Variants in CNTNAP2 observed in about 807,000 individuals in gnomAD.
The protein encoded by CNTNAP2 is contactin-associated protein-like 2.
In CNTNAP2, 98 loss-of-function variants were observed where a neutral mutation model predicts 155.2. The observed-to-expected ratio is 0.63, with a 90% CI of 0.54 to 0.75. CNTNAP2 has a LOEUF of 0.75. CNTNAP2 is among the 30% of genes least tolerant of loss of function. CNTNAP2 has a pLI of 0.00. For synonymous variants in CNTNAP2, 651 were observed against 631.2 expected, an observed-to-expected ratio of 1.03 and a Z score of -0.47; for missense variants, 1,727 against 1,688.1, an observed-to-expected ratio of 1.02 and a Z score of -0.40.
intron 8 of CNTNAP2, among the ~76,000 whole-genome samples, chr7:147,276,443 A>G (rs1219107191): frequency 2.6e-5 from 4 of 152,086 alleles, no homozygotes; most frequent in Non-Finnish European, 5.9e-5. Flanking sequence ...AAGTTGAATT[A>G]AATAGTTTCT....
At chr7:147,582,234 G>T (rs1374340498) in intron 12 of CNTNAP2, among the ~76,000 whole-genome samples, 1 of 152,082 alleles carries the variant, frequency 6.6e-6, no homozygotes, top group African/African-American at 2.4e-5. Flanking sequence ...CTTATTGGAG[G>T]TGACATTGAG....
At chr7:147,228,645 A>G (rs1301081638) in intron 8 of CNTNAP2, among the ~76,000 whole-genome samples, 1 of 152,168 alleles carries the variant, frequency 6.6e-6, no homozygotes, top group Non-Finnish European at 1.5e-5. Context: ...CCATTAGGAT[A>G]TGGAACTCAC....
intron 3 of CNTNAP2, among the ~76,000 whole-genome samples, chr7:146,869,231 G>A (rs1451785996): frequency 6.6e-6 from 1 of 152,136 alleles, no homozygotes; most frequent in Non-Finnish European, 1.5e-5. Context: ...ATGAAGTGGT[G>A]TTAAATTTTA....
chr7:146,333,317 T>A (rs1801216801), intron 1 of CNTNAP2, among the ~76,000 whole-genome samples: 2 of 152,130 alleles, frequency 1.3e-5, no homozygotes, highest in Non-Finnish European at 2.9e-5. Flanking sequence ...ATGCAGCTAT[T>A]CTTGCAATGT....
At chr7:147,961,687 T>C (rs1357093435) in intron 14 of CNTNAP2, among the ~76,000 whole-genome samples, 2 of 152,202 alleles carry the variant, frequency 1.3e-5, no homozygotes, top group Non-Finnish European at 2.9e-5. Context: ...AGTAGATTAT[T>C]CTCATTGGTA....
chr7:148,260,571 C>T (rs550255678), intron 20 of CNTNAP2, among the ~76,000 whole-genome samples: 2 of 152,242 alleles, frequency 1.3e-5, no homozygotes, highest in East Asian at 1.9e-4. Flanking sequence ...TTGAGTCAAA[C>T]GGGAGCTGGA....
chr7:146,422,320 CATA>C (rs1466637281), intron 1 of CNTNAP2, among the ~76,000 whole-genome samples: 1 of 148,780 alleles, frequency 6.7e-6, no homozygotes, highest in African/African-American at 2.5e-5. Context: ...AGAATATATA[CATA>C]AGAATATATA....
intron 1 of CNTNAP2, among the ~76,000 whole-genome samples, chr7:146,118,544 A>T (rs1381899373): frequency 1.3e-5 from 2 of 151,904 alleles, no homozygotes; most frequent in Non-Finnish European, 2.9e-5. Context: ...TCATATATTA[A>T]ATTTATTATA....
At chr7:147,887,742 G>T (rs991745587) in intron 13 of CNTNAP2, among the ~76,000 whole-genome samples, 2 of 152,098 alleles carry the variant, frequency 1.3e-5, no homozygotes, top group East Asian at 1.9e-4. Flanking sequence ...AATCCAGGGG[G>T]TTAGACTCTC....
At chr7:146,298,102 A>G (rs115688966) in intron 1 of CNTNAP2, among the ~76,000 whole-genome samples, 21 of 152,332 alleles carry the variant, frequency 1.4e-4, no homozygotes, top group African/African-American at 4.8e-4. Flanking sequence ...TGGTTTTCTT[A>G]CAGAAAACAG....
intron 1 of CNTNAP2, among the ~76,000 whole-genome samples, chr7:146,126,675 A>G (rs951678869): frequency 1.3e-5 from 2 of 152,250 alleles, no homozygotes; most frequent in South Asian, 2.1e-4. Flanking sequence ...AAGTTAAAAG[A>G]TGGTAATTGT....
At chr7:146,331,847 T>A (rs1208903817) in intron 1 of CNTNAP2, among the ~76,000 whole-genome samples, 2 of 152,202 alleles carry the variant, frequency 1.3e-5, no homozygotes, top group African/African-American at 4.8e-5. Context: ...TGCAGTAGAA[T>A]ATAATTATTA....
intron 1 of CNTNAP2, among the ~76,000 whole-genome samples, chr7:146,725,395 A>G (rs1801414055): frequency 6.6e-6 from 1 of 152,178 alleles, no homozygotes; most frequent in South Asian, 2.1e-4. Flanking sequence ...TTAGCCTTCA[A>G]ACTGCCCTTA....
chr7:146,744,893 T>A (rs573137373), intron 1 of CNTNAP2, among the ~76,000 whole-genome samples: 98 of 152,236 alleles, frequency 6.4e-4, no homozygotes, highest in African/African-American at 2.3e-3. Context: ...ATAAAGACAA[T>A]AGAATAAAAT....
chr7:148,257,757 G>C lies in CNTNAP2; in HGVS notation c.3382-9276G>C, dbSNP rs547117349. ...GGAGTCCCAGATTCACGATCAGCCA[G>C]TCTCCCCATCGATGTGGTCTGGGAG... On this transcript the variant is annotated intron_variant, in intron 20 of 23. Transcript: ENST00000361727. 3.9e-5 allele frequency among the ~76,000 whole-genome samples: 6 copies of C among 152,252 alleles called. No individual in the cohort carries two copies. In the South Asian group the frequency reaches 1.2e-3, roughly 32 times the overall value.
chr7:148,046,226 G>A (rs150885155), intron 15 of CNTNAP2, among the ~76,000 whole-genome samples: 23 of 152,200 alleles, frequency 1.5e-4, no homozygotes, highest in Admixed American at 2.6e-4. Context: ...GATTACACTC[G>A]TGAGCCATTG....
intron 1 of CNTNAP2, among the ~76,000 whole-genome samples, chr7:146,534,194 G>A (rs1477112009): frequency 1.3e-5 from 2 of 152,090 alleles, no homozygotes; most frequent in South Asian, 2.1e-4. Context: ...CCTGGTGAGA[G>A]TAAAAATATA....
At chr7:147,865,552 G>C (rs1192625881) in intron 13 of CNTNAP2, among the ~76,000 whole-genome samples, 1 of 152,114 alleles carries the variant, frequency 6.6e-6, no homozygotes, top group Admixed American at 6.6e-5. Flanking sequence ...GAATCTGTCT[G>C]GTTCTGGACT....
intron 13 of CNTNAP2, among the ~76,000 whole-genome samples, chr7:147,690,040 C>CTCTT (rs1554422588): frequency 6.6e-6 from 1 of 152,082 alleles, no homozygotes; most frequent in Admixed American, 6.6e-5. Context: ...CCTCCAGTCT[C>CTCTT]CCTTCCTTCC....
Sources: gnomAD v4.1 joint callset for allele counts (sites outside exome capture counted in the v4.1 genomes callset) on GRCh38, gnomAD v4.1.1 for gene constraint, MANE v1.5 for transcripts, NCBI Gene and HGNC (gene_info 2026-07-23, HGNC 2026-07-21) for gene names.